Variants in PCDHB15 observed in about 807,000 individuals in gnomAD.
The protein encoded by PCDHB15 is protocadherin beta 15.
For missense variants in PCDHB15, 1,032 were observed against 991.7 expected, an observed-to-expected ratio of 1.04 and a Z score of -0.55; for synonymous variants, 492 against 447.9, an observed-to-expected ratio of 1.10 and a Z score of -1.24.
rs543178720 is a variant in PCDHB15 at position 141,247,017 on chromosome 5, C to T, written c.1439C>T (p.Ser480Leu). Reference sequence around the variant, plus strand: ...AGTGTCAGCGCCACAGACAGAGACTCGGGCACCAACGCCCAGGTCACCTAC... The same window carrying T: ...AGTGTCAGCGCCACAGACAGAGACTTGGGCACCAACGCCCAGGTCACCTAC... ...IGSVSATDRD[S>L]GTNAQVTYSL... The change falls in exon 1 of 1, where the codon TCG becomes TTG. Residue 480 changes from serine (S) to leucine (L), a missense_variant. Transcript: ENST00000231173. The T allele has an allele frequency of 9.3e-6, 15 of 1,613,508 alleles. No homozygotes were observed. The highest frequency in any genetic ancestry group is 8.8e-5 in the South Asian group (8 of 91,034).
Position 141,247,340 on chromosome 5 carries a change from A to G in PCDHB15, c.1762A>G (p.Lys588Glu). 6.2e-7 allele frequency: 1 copy of G among 1,607,012 alleles called. No homozygotes were observed. ...RAAEPGYLVT[K>E]VVAVDGDSGQ... ...GGCCGAGCCGGGCTACCTGGTGACC[A>G]AGGTGGTGGCGGTGGACGGCGACTC... The change falls in exon 1 of 1, where the codon AAG becomes GAG. Residue 588 changes from lysine (K) to glutamate (E), a missense_variant. By Grantham distance (56) the Lys-to-Glu change is moderately conservative. Transcript: ENST00000231173.
chr5:141,246,377 A>G lies in PCDHB15; in HGVS notation c.799A>G (p.Arg267Gly). Residue 267 changes from arginine to glycine, a missense_variant, in exon 1 of 1, where the codon AGG becomes GGG. Physicochemically the swap from Arg to Gly is moderately radical, Grantham distance 125. Coordinates refer to ENST00000231173, the MANE Select transcript of PCDHB15 (RefSeq NM_018935.4). ...VGSLVVKVSA[R>G]DLDTGTNGEI... ...CTCCCTAGTTGTCAAGGTCTCTGCT[A>G]GGGATTTAGACACTGGGACAAATGG... The G allele has an allele frequency of 1.2e-6, 2 of 1,614,088 alleles. No individual in the cohort carries two copies. The highest frequency in any genetic ancestry group is 1.7e-6 in the Non-Finnish European group (2 of 1,179,928).
Position 141,246,263 on chromosome 5 carries a change from C to A in PCDHB15, c.685C>A (p.Leu229Ile), listed in dbSNP as rs1755257760. The A allele has an allele frequency of 1.2e-6, 2 of 1,614,116 alleles. No individual in the cohort carries two copies. The highest frequency in any genetic ancestry group is 1.3e-5 in the African/African-American group (1 of 75,038). ...SPPRSGTVQI[L>I]ILVLDANDNA... ...ACCCCGATCTGGCACCGTCCAGATCCTCATCTTGGTCTTGGACGCCAATGA... is the reference window on the plus strand; with the variant it reads ...ACCCCGATCTGGCACCGTCCAGATCATCATCTTGGTCTTGGACGCCAATGA... Residue 229 changes from leucine (L) to isoleucine (I), a missense_variant, in exon 1 of 1, where the codon CTC (leucine) becomes ATC (isoleucine). By Grantham distance (5) the Leu-to-Ile change is conservative. Coordinates refer to ENST00000231173, the MANE Select transcript of PCDHB15 (RefSeq NM_018935.4).
chr5:141,247,225 G>A lies in PCDHB15; in HGVS notation c.1647G>A (p.Val549=). Residue 549 remains valine, a synonymous_variant, in exon 1 of 1, where the codon GTG becomes GTA. Transcript: ENST00000231173. Reference sequence around the variant, plus strand: ...TGAGCAGCGAGGCGCTGGTGCGAGTGCTGGTGCTGGACGCCAACGACAACT... The same window carrying A: ...TGAGCAGCGAGGCGCTGGTGCGAGTACTGGTGCTGGACGCCAACGACAACT... ...PALSSEALVR[V]LVLDANDNSP... 1 of 1,611,926 alleles carries A rather than the reference G, an allele frequency of 6.2e-7. No individual in the cohort carries two copies. The highest frequency in any genetic ancestry group is 8.5e-7 in the Non-Finnish European group (1 of 1,179,644).
In PCDHB15 at chr5:141,245,522, G is replaced by T. The variant is rs1755233607; in HGVS notation, c.-57G>T. 6.8e-7 allele frequency: 1 copy of T among 1,476,628 alleles called. No individual in the cohort carries two copies. Among genetic ancestry groups the T allele is most frequent in the Non-Finnish European group, 9.3e-7 (1 of 1,072,270 alleles). The allele number at this position is 1,476,628 out of a possible 1,614,324, so 91.5% of individuals were successfully genotyped here. A position where few individuals can be genotyped will look rare whatever the true frequency, so the allele number is the denominator to read the frequency against. On this transcript the variant is annotated 5_prime_UTR_variant, in exon 1 of 1. Transcript: ENST00000231173. ...GATCGATCACTGCCTCTGTCCCATC[G>T]CTCCCTGAAGTAGCTCTGACTCCGG...
At position 141,249,358 on chromosome 5, in the gene PCDHB15, A is replaced by G. The variant is rs1453790461; in HGVS notation, c.*1416A>G. On this transcript the variant is annotated 3_prime_UTR_variant, in exon 1 of 1. Transcript: ENST00000231173. ...GTCACTTCCTTGCAATAAATTGATT[A>G]CTACACATCTGCTGCCTGTTTCTCT... is the stretch of plus-strand genomic sequence containing the variant. 1 of 152,222 alleles carries G rather than the reference A, an allele frequency of 6.6e-6. No homozygotes were observed. The highest frequency in any genetic ancestry group is 1.5e-5 in the Non-Finnish European group (1 of 68,056). The allele number at this position is 152,222 out of a possible 1,614,324, so 9.4% of individuals were successfully genotyped here.
Position 141,246,840 on chromosome 5 carries a change from T to C in PCDHB15, c.1262T>C (p.Ile421Thr). 1 of 1,614,110 alleles carries C rather than the reference T, an allele frequency of 6.2e-7. No individual in the cohort carries two copies. Among genetic ancestry groups the C allele is most frequent in the South Asian group, 1.1e-5 (1 of 91,068 alleles). The change falls in exon 1 of 1, where the codon ATC becomes ACC. Residue 421 changes from isoleucine (I) to threonine (T), a missense_variant. Ile to Thr is a moderately conservative substitution (Grantham distance 89). Transcript: ENST00000231173. ...ACCAGAGCCGAGTACAACATCACCA[T>C]CACCATCACAGACTTGGGGACTCCA... ...RETRAEYNIT[I>T]TITDLGTPRL...
In PCDHB15 at chr5:141,248,857, G is replaced by A. The variant is rs1246710332; in HGVS notation, c.*915G>A. The A allele has an allele frequency of 6.6e-6, 1 of 152,126 alleles. No homozygotes were observed. The highest frequency in any genetic ancestry group is 1.5e-5 in the Non-Finnish European group (1 of 68,028). 9.4% of individuals were successfully genotyped at this position (152,126 alleles called of 1,614,324 possible). ...GGAATTTGAAAGAAAATACATTGTA[G>A]AATTAATATTAGTTAACCAAACAAA... On this transcript the variant is annotated 3_prime_UTR_variant, in exon 1 of 1. Transcript: ENST00000231173.
rs1252957563 is a variant in PCDHB15 at position 141,248,754 on chromosome 5, T to C, written c.*812T>C. 1 of 152,198 alleles carries C rather than the reference T, an allele frequency of 6.6e-6. No homozygotes were observed. The highest frequency in any genetic ancestry group is 1.5e-5 in the Non-Finnish European group (1 of 68,046). The allele number at this position is 152,198 out of a possible 1,614,324, so 9.4% of individuals were successfully genotyped here. A position where few individuals can be genotyped will look rare whatever the true frequency, so the allele number is the denominator to read the frequency against. ...GAAAATCTTAACGAGTTCCAAATTC[T>C]GGGCTTAGAGGAGCTTCTGATGGTA... On this transcript the variant is annotated 3_prime_UTR_variant, in exon 1 of 1. Coordinates refer to ENST00000231173, the MANE Select transcript of PCDHB15 (RefSeq NM_018935.4).
Position 141,246,640 on chromosome 5 carries a change from C to T in PCDHB15, c.1062C>T (p.Ser354=), listed in dbSNP as rs1755269979. 6.2e-7 allele frequency: 1 copy of T among 1,613,988 alleles called. No individual in the cohort carries two copies. ...AACTAAGTATTTCATCACTTACCAG[C>T]CCTATTCCCGAGAATTCTCCAGAGA... is the stretch of plus-strand genomic sequence containing the variant. The part of the protein sequence containing the change: ...FPELSISSLT[S]PIPENSPETE... Residue 354 remains serine, a synonymous_variant, in exon 1 of 1, where the codon AGC becomes AGT. Coordinates refer to ENST00000231173, the MANE Select transcript of PCDHB15 (RefSeq NM_018935.4).
chr5:141,247,302 T>C lies in PCDHB15; in HGVS notation c.1724T>C (p.Leu575Pro), dbSNP rs1554292167. 1 of 1,609,008 alleles carries C rather than the reference T, an allele frequency of 6.2e-7. No individual in the cohort carries two copies. The highest frequency in any genetic ancestry group is 2.2e-5 in the East Asian group (1 of 44,834). The change falls in exon 1 of 1, where the codon CTG (leucine) becomes CCG (proline). Residue 575 changes from leucine to proline, a missense_variant. Physicochemically the swap from Leu to Pro is moderately conservative, Grantham distance 98. Transcript: ENST00000231173. ...LQNGSAPCTE[L>P]VPRAAEPGYL... The stretch of plus-strand genomic sequence containing the variant: ...AACGGCTCCGCGCCCTGCACCGAGC[T>C]GGTGCCCCGGGCGGCCGAGCCGGGC...
chr5:141,246,668 G>A lies in PCDHB15; in HGVS notation c.1090G>A (p.Glu364Lys). 6.2e-7 allele frequency: 1 copy of A among 1,614,176 alleles called. No homozygotes were observed. The highest frequency in any genetic ancestry group is 1.1e-5 in the South Asian group (1 of 91,084). The change falls in exon 1 of 1, where the codon GAA becomes AAA. Residue 364 changes from glutamate (E) to lysine (K), a missense_variant. By Grantham distance (56) the Glu-to-Lys change is moderately conservative. Coordinates refer to ENST00000231173, the MANE Select transcript of PCDHB15 (RefSeq NM_018935.4). ...TATTCCCGAGAATTCTCCAGAGACA[G>A]AAGTGGCCCTGTTTAGGATTAGAGA... ...SPIPENSPET[E>K]VALFRIRDRD...
In PCDHB15 at chr5:141,245,732, C is replaced by T. The variant is rs782090211; in HGVS notation, c.154C>T (p.Leu52=). The T allele has an allele frequency of 4.3e-6, 7 of 1,614,170 alleles. No homozygotes were observed. The highest frequency in any genetic ancestry group is 5.9e-6 in the Non-Finnish European group (7 of 1,180,042). Residue 52 remains leucine, a synonymous_variant, in exon 1 of 1, where the codon CTA becomes TTA. Coordinates refer to ENST00000231173, the MANE Select transcript of PCDHB15 (RefSeq NM_018935.4). The part of the protein sequence containing the change: ...GSFVANLAND[L]GLGVGELAER... ...TTTTGTAGCCAACCTGGCCAATGAC[C>T]TAGGGCTGGGAGTGGGGGAGCTAGC...
chr5:141,247,444 C>G lies in PCDHB15; in HGVS notation c.1866C>G (p.Gly622=), dbSNP rs782120026. 2.1e-5 allele frequency: 33 copies of G among 1,606,962 alleles called. No homozygotes were observed. The highest frequency in any genetic ancestry group is 5.5e-5 in the South Asian group (5 of 90,970). The part of the protein sequence containing the change: ...PGLFGVWAHN[G]EVRTARLLSE... ...TGTTCGGCGTGTGGGCGCACAATGG[C>G]GAGGTGCGCACCGCCAGGCTGCTGA... is the stretch of plus-strand genomic sequence containing the variant. The change falls in exon 1 of 1, where the codon GGC becomes GGG. Residue 622 remains glycine, a synonymous_variant. Coordinates refer to ENST00000231173, the MANE Select transcript of PCDHB15 (RefSeq NM_018935.4).
At position 141,249,095 on chromosome 5, in the gene PCDHB15, G is replaced by A. The variant is rs1182391581; in HGVS notation, c.*1153G>A. Reference sequence around the variant, plus strand: ...TTGCAAAGAAATTAAGGTTCAAACAGAATTAAGGTTGCCAATCAGCTAAAC... The same window carrying A: ...TTGCAAAGAAATTAAGGTTCAAACAAAATTAAGGTTGCCAATCAGCTAAAC... On this transcript the variant is annotated 3_prime_UTR_variant, in exon 1 of 1. Coordinates refer to ENST00000231173, the MANE Select transcript of PCDHB15 (RefSeq NM_018935.4). The A allele has an allele frequency of 6.6e-6, 1 of 151,992 alleles. No homozygotes were observed. Among genetic ancestry groups the A allele is most frequent in the Non-Finnish European group, 1.5e-5 (1 of 68,014 alleles). The allele number at this position is 151,992 out of a possible 1,614,324, so 9.4% of individuals were successfully genotyped here. A position where few individuals can be genotyped will look rare whatever the true frequency, so the allele number is the denominator to read the frequency against.
rs142267472 is a variant in PCDHB15, at chr5:141,245,861, C to A, written c.283C>A (p.Leu95Met). The change falls in exon 1 of 1, where the codon CTG becomes ATG. Residue 95 changes from leucine (L) to methionine (M), a missense_variant. By Grantham distance (15) the Leu-to-Met change is conservative. Transcript: ENST00000231173. ...AAATGAGAAGCTGGACCGGGAGAAG[C>A]TGTGTGGCCCTACTGAGCCCTGTAT... ...ILNEKLDREKLCGPTEPCIMH... is the reference protein window; with the variant it reads ...ILNEKLDREKMCGPTEPCIMH... The A allele has an allele frequency of 4.4e-3, 7,095 of 1,614,188 alleles. 38 individuals are homozygous for A. The highest frequency in any genetic ancestry group is 5.5e-3 in the South Asian group (503 of 91,088).
chr5:141,248,025 T>C lies in PCDHB15; in HGVS notation c.*83T>C. ...TTAGTTTTTTTTAACCCTTTAGTAA[T>C]CTTGAATTCTACTTTTTTTTAAATT... On this transcript the variant is annotated 3_prime_UTR_variant, in exon 1 of 1. Transcript: ENST00000231173. 1 of 1,337,844 alleles carries C rather than the reference T, an allele frequency of 7.5e-7. No homozygotes were observed. Among genetic ancestry groups the C allele is most frequent in the Non-Finnish European group, 1.0e-6 (1 of 991,200 alleles). The allele number at this position is 1,337,844 out of a possible 1,614,324, so 82.9% of individuals were successfully genotyped here.
chr5:141,247,434 C>G lies in PCDHB15; in HGVS notation c.1856C>G (p.Ala619Gly), dbSNP rs17844634. ...GAGCCCGGGCTGTTCGGCGTGTGGG[C>G]GCACAATGGCGAGGTGCGCACCGCC... ...ATEPGLFGVW[A>G]HNGEVRTARL... The change falls in exon 1 of 1, where the codon GCG (alanine) becomes GGG (glycine). Residue 619 changes from alanine to glycine, a missense_variant. Transcript: ENST00000231173. 1.4e-4 allele frequency: 226 copies of G among 1,606,610 alleles called. 1 individual carries two copies. In the East Asian group the frequency reaches 4.9e-3, roughly 35 times the overall value.
Position 141,249,129 on chromosome 5 carries a change from G to C in PCDHB15, c.*1187G>C, listed in dbSNP as rs1291914699. 6.6e-6 allele frequency: 1 copy of C among 152,244 alleles called. No individual in the cohort carries two copies. Among genetic ancestry groups the C allele is most frequent in the Admixed American group, 6.5e-5 (1 of 15,282 alleles). 9.4% of individuals were successfully genotyped at this position (152,244 alleles called of 1,614,324 possible). On this transcript the variant is annotated 3_prime_UTR_variant, in exon 1 of 1. Transcript: ENST00000231173. Reference sequence around the variant, plus strand: ...TTGCCAATCAGCTAAACTTAAAATAGGGAGACTCTCCTAGATAATCTGGGT... The same window carrying C: ...TTGCCAATCAGCTAAACTTAAAATACGGAGACTCTCCTAGATAATCTGGGT...
Sources: allele counts gnomAD v4.1 joint callset, GRCh38; gene constraint gnomAD v4.1.1; transcripts MANE v1.5; gene names NCBI Gene and HGNC (gene_info 2026-07-23, HGNC 2026-07-21).